Variants in CSGALNACT1 observed in about 807,000 individuals in gnomAD.
The protein encoded by CSGALNACT1 is beta4GalNAcT-1.
In CSGALNACT1, 52 loss-of-function variants were observed where a neutral mutation model predicts 51.0. That is an observed-to-expected ratio of 1.02 (90% CI 0.82 to 1.29). The LOEUF (loss-of-function observed/expected upper bound fraction) is 1.29, where lower values mean the gene tolerates loss of function less well. Ranked by LOEUF, CSGALNACT1 falls within the 50% of genes most tolerant of loss-of-function variation. CSGALNACT1 has a pLI of 0.00. For missense variants in CSGALNACT1, 935 were observed against 679.2 expected, an observed-to-expected ratio of 1.38 and a Z score of -4.19; for synonymous variants, 341 against 254.4, an observed-to-expected ratio of 1.34 and a Z score of -3.24.
intron 1 of CSGALNACT1, among the ~76,000 whole-genome samples, chr8:19,623,144 C>G (rs796964524): frequency 3.3e-5 from 5 of 152,206 alleles, no homozygotes; most frequent in African/African-American, 1.2e-4. Flanking sequence ...CAAATACTAA[C>G]CAAACAGAAA....
intron 1 of CSGALNACT1, among the ~76,000 whole-genome samples, chr8:19,744,343 A>G (rs1031153873): frequency 1.3e-5 from 2 of 152,240 alleles, no homozygotes; most frequent in Non-Finnish European, 2.9e-5. Flanking sequence ...CATAGATTGA[A>G]TAAAACAACT....
chr8:19,703,842 A>C (rs765118785), intron 1 of CSGALNACT1, among the ~76,000 whole-genome samples: 23 of 152,210 alleles, frequency 1.5e-4, no homozygotes, highest in Non-Finnish European at 3.4e-4. Flanking sequence ...CGTTACAATT[A>C]ACAGTGTTTT....
chr8:19,452,965 C>T (rs146051747), intron 5 of CSGALNACT1, among the ~76,000 whole-genome samples: 1 of 152,252 alleles, frequency 6.6e-6, no homozygotes, highest in East Asian at 1.9e-4. Flanking sequence ...ATATGCACAA[C>T]AATTCTCAGT....
intron 1 of CSGALNACT1, among the ~76,000 whole-genome samples, chr8:19,652,200 C>G (rs1175751570): frequency 6.6e-6 from 1 of 152,166 alleles, no homozygotes; most frequent in Non-Finnish European, 1.5e-5. Flanking sequence ...ATCCACCTGC[C>G]TAGGCCTCCC....
intron 5 of CSGALNACT1, among the ~76,000 whole-genome samples, chr8:19,445,430 A>T (rs763846398): frequency 6.6e-6 from 1 of 152,230 alleles, no homozygotes; most frequent in South Asian, 2.1e-4. Flanking sequence ...AATCCATTCA[A>T]AGAACTTCCT....
At chr8:19,666,949 A>G (rs1236083391) in intron 1 of CSGALNACT1, among the ~76,000 whole-genome samples, 28 of 14,390 alleles carry the variant, frequency 1.9e-3, no homozygotes, top group African/African-American at 3.9e-3. Context: ...GAGAAAAAGA[A>G]AGAAAGAAAG....
intron 3 of CSGALNACT1, among the ~76,000 whole-genome samples, chr8:19,513,436 C>CTCTCTCTCTATATATATATATATA: frequency 3.1e-4 from 25 of 81,950 alleles, no homozygotes; most frequent in Non-Finnish European, 4.6e-4. Flanking sequence ...CTCTCTCTCT[C>CTCTCTCTCTATATATATATATATA]TATATATATA....
chr8:19,626,514 T>C (rs1418625773), intron 1 of CSGALNACT1, among the ~76,000 whole-genome samples: 1 of 152,140 alleles, frequency 6.6e-6, no homozygotes, highest in East Asian at 1.9e-4. Context: ...TAGAAAATCC[T>C]TGTAACTTAG....
chr8:19,483,774 C>A (rs1382696796), intron 4 of CSGALNACT1, among the ~76,000 whole-genome samples: 1 of 152,216 alleles, frequency 6.6e-6, no homozygotes, highest in Non-Finnish European at 1.5e-5. Flanking sequence ...TTTGTTTCAA[C>A]CATGTCTGAC....
At chr8:19,597,222 T>G (rs1432172513) in intron 2 of CSGALNACT1, among the ~76,000 whole-genome samples, 2 of 151,450 alleles carry the variant, frequency 1.3e-5, no homozygotes, top group African/African-American at 4.8e-5. Context: ...ATATACATAC[T>G]GCATTTCGTG....
At chr8:19,579,615 G>A (rs1010112156) in intron 3 of CSGALNACT1, among the ~76,000 whole-genome samples, 2 of 152,210 alleles carry the variant, frequency 1.3e-5, no homozygotes, top group African/African-American at 2.4e-5. Context: ...CCTCAGCCAA[G>A]GGCAGGGATT....
chr8:19,446,020 C>T (rs1160944783), intron 5 of CSGALNACT1, among the ~76,000 whole-genome samples: 1 of 152,068 alleles, frequency 6.6e-6, no homozygotes, highest in Non-Finnish European at 1.5e-5. Flanking sequence ...ATTAAAAATA[C>T]AAAAATTAGT....
intron 1 of CSGALNACT1, among the ~76,000 whole-genome samples, chr8:19,692,805 G>C (rs571123346): frequency 2.0e-5 from 3 of 152,290 alleles, no homozygotes; most frequent in African/African-American, 7.2e-5. Flanking sequence ...TAAAAAAAGA[G>C]TGCCTAGATC....
chr8:19,689,177 T>A (rs1302379112), intron 1 of CSGALNACT1, among the ~76,000 whole-genome samples: 1 of 152,148 alleles, frequency 6.6e-6, no homozygotes, highest in Admixed American at 6.5e-5. Flanking sequence ...CCATGTGCCT[T>A]CCAAGACGAT....
At chr8:19,554,828 T>A (rs2089289630) in intron 3 of CSGALNACT1, among the ~76,000 whole-genome samples, 2 of 151,772 alleles carry the variant, frequency 1.3e-5, no homozygotes, top group South Asian at 2.1e-4. Context: ...TGAGACAGGA[T>A]AATCACTTGA....
chr8:19,540,196 T>C (rs188473011), intron 3 of CSGALNACT1, among the ~76,000 whole-genome samples: 1 of 152,354 alleles, frequency 6.6e-6, no homozygotes, highest in Admixed American at 6.5e-5. Flanking sequence ...GCTTCCAAAA[T>C]AGTCTAATGA....
chr8:19,752,176 C>T (rs1263944383), intron 1 of CSGALNACT1, among the ~76,000 whole-genome samples: 1 of 147,262 alleles, frequency 6.8e-6, no homozygotes, highest in East Asian at 2.0e-4. Context: ...AGTATATATT[C>T]ATATCTTATA....
At chr8:19,610,753 T>C (rs1357697952) in intron 1 of CSGALNACT1, among the ~76,000 whole-genome samples, 1 of 152,232 alleles carries the variant, frequency 6.6e-6, no homozygotes, top group African/African-American at 2.4e-5. Context: ...GCACCCATTC[T>C]GCAAAGCCCA....
intron 1 of CSGALNACT1, among the ~76,000 whole-genome samples, chr8:19,751,263 C>T (rs4921671): frequency 0.21 from 32,317 of 152,000 alleles, 3,551 homozygotes; most frequent in African/African-American, 0.24. Context: ...TAAATCTTAG[C>T]GTTCTCATCC....
Sources: allele counts gnomAD v4.1 joint callset (sites outside exome capture counted in the v4.1 genomes callset), GRCh38; gene constraint gnomAD v4.1.1; transcripts MANE v1.5; gene names NCBI Gene and HGNC (gene_info 2026-07-23, HGNC 2026-07-21).